KCNIP4: variants seen among roughly 807,000 people sequenced by gnomAD.
KCNIP4 encodes Kv channel-interacting protein 4.
A neutral mutation model predicts 34.0 loss-of-function variants in KCNIP4; 12 were observed. The observed-to-expected ratio is 0.35, with a 90% CI of 0.23 to 0.57. The LOEUF (loss-of-function observed/expected upper bound fraction) is 0.57, where lower values mean the gene tolerates loss of function less well. KCNIP4 is among the 20% of genes least tolerant of loss of function. The pLI, the probability that KCNIP4 is intolerant of heterozygous loss-of-function variation, is 0.83. For missense variants in KCNIP4, 238 were observed against 311.7 expected, an observed-to-expected ratio of 0.76 and a Z score of 1.78; for synonymous variants, 124 against 102.2, an observed-to-expected ratio of 1.21 and a Z score of -1.29.
chr4:21,346,621 T>C (rs1440454201), intron 1 of KCNIP4, among the ~76,000 whole-genome samples: 3 of 152,008 alleles, frequency 2.0e-5, no homozygotes, highest in Non-Finnish European at 4.4e-5. Flanking sequence ...TTTAAGGATC[T>C]TTATGCTTCA....
intron 3 of KCNIP4, among the ~76,000 whole-genome samples, chr4:20,844,372 G>C (rs1406248999): frequency 2.0e-5 from 3 of 152,154 alleles, no homozygotes; most frequent in Non-Finnish European, 2.9e-5. Flanking sequence ...ATAACACTTT[G>C]CTCTTAAGGA....
chr4:21,660,866 G>T (rs1560602535), intron 1 of KCNIP4, among the ~76,000 whole-genome samples: 1 of 152,132 alleles, frequency 6.6e-6, no homozygotes, highest in Non-Finnish European at 1.5e-5. Flanking sequence ...AGGAGGCAGG[G>T]AAATACTGGT....
At chr4:21,552,848 A>T (rs1263066527) in intron 1 of KCNIP4, among the ~76,000 whole-genome samples, 2 of 152,158 alleles carry the variant, frequency 1.3e-5, no homozygotes, top group African/African-American at 4.8e-5. Context: ...TAAAGAAGAC[A>T]AGAAAGCAAA....
At chr4:21,436,948 A>T (rs987276177) in intron 1 of KCNIP4, among the ~76,000 whole-genome samples, 1 of 152,200 alleles carries the variant, frequency 6.6e-6, no homozygotes, top group Non-Finnish European at 1.5e-5. Flanking sequence ...ACAAACCAAC[A>T]AGTCCATATT....
At chr4:20,859,780 G>A (rs1294723565) in intron 2 of KCNIP4, among the ~76,000 whole-genome samples, 7 of 152,124 alleles carry the variant, frequency 4.6e-5, no homozygotes, top group African/African-American at 1.4e-4. Flanking sequence ...ACACTACTAC[G>A]GAACATCTTG....
intron 1 of KCNIP4, among the ~76,000 whole-genome samples, chr4:21,087,146 A>ATGTG (rs34874556): frequency 0.12 from 13,169 of 110,308 alleles, 968 homozygotes; most frequent in African/African-American, 0.14. Context: ...CTGCTGGGTA[A>ATGTG]TGTGTGTGTG....
At chr4:21,489,077 C>G (rs985894324) in intron 1 of KCNIP4, among the ~76,000 whole-genome samples, 12 of 152,020 alleles carry the variant, frequency 7.9e-5, no homozygotes, top group East Asian at 1.9e-4. Flanking sequence ...TCTGAGATAG[C>G]CTTTTAGACA....
At chr4:21,497,778 T>G (rs1732971388) in intron 1 of KCNIP4, among the ~76,000 whole-genome samples, 5 of 152,146 alleles carry the variant, frequency 3.3e-5, no homozygotes. Context: ...TTATATAAAT[T>G]TATTTTAAAT....
intron 1 of KCNIP4, among the ~76,000 whole-genome samples, chr4:21,003,909 C>G (rs1050573718): frequency 2.6e-5 from 4 of 151,846 alleles, no homozygotes; most frequent in African/African-American, 9.7e-5. Flanking sequence ...GTTTGGGGAA[C>G]GATTAGAAAT....
chr4:20,810,043 C>T (rs1715532305), intron 3 of KCNIP4, among the ~76,000 whole-genome samples: 1 of 152,220 alleles, frequency 6.6e-6, no homozygotes, highest in African/African-American at 2.4e-5. Context: ...GCATGACTCA[C>T]TCAGGCCAAG....
chr4:21,781,097 T>G (rs543538345), intron 1 of KCNIP4, among the ~76,000 whole-genome samples: 1 of 152,296 alleles, frequency 6.6e-6, no homozygotes, highest in South Asian at 2.1e-4. Context: ...CACTTGAATC[T>G]CATCTCGAAT....
At chr4:21,821,937 C>T (rs578218198) in intron 1 of KCNIP4, among the ~76,000 whole-genome samples, 4 of 152,236 alleles carry the variant, frequency 2.6e-5, no homozygotes, top group East Asian at 1.9e-4. Context: ...TTTTACAATG[C>T]TTTTCCATAG....
At chr4:21,694,132 C>G (rs1711993565) in intron 1 of KCNIP4, among the ~76,000 whole-genome samples, 1 of 152,182 alleles carries the variant, frequency 6.6e-6, no homozygotes, top group Admixed American at 6.5e-5. Context: ...TCTGCAATAA[C>G]ATTCATCCTT....
intron 1 of KCNIP4, among the ~76,000 whole-genome samples, chr4:21,035,087 A>T (rs1231319994): frequency 6.6e-6 from 1 of 152,166 alleles, no homozygotes; most frequent in South Asian, 2.1e-4. Context: ...TTTAATGGAC[A>T]TGAGTCCAGG....
intron 1 of KCNIP4, among the ~76,000 whole-genome samples, chr4:21,385,854 C>G (rs990036817): frequency 6.6e-6 from 1 of 152,062 alleles, no homozygotes; most frequent in Admixed American, 6.6e-5. Flanking sequence ...ATGAGTGTGT[C>G]CCAAGTGCCA....
At chr4:21,272,213 C>A (rs1577999851) in intron 1 of KCNIP4, among the ~76,000 whole-genome samples, 2 of 152,090 alleles carry the variant, frequency 1.3e-5, no homozygotes, top group East Asian at 3.9e-4. Flanking sequence ...AGGATAATAG[C>A]AGTACCGACC....
At chr4:21,690,611 C>T (rs908329519) in intron 1 of KCNIP4, among the ~76,000 whole-genome samples, 4 of 152,130 alleles carry the variant, frequency 2.6e-5, no homozygotes, top group Non-Finnish European at 5.9e-5. Context: ...CAAGAAGATA[C>T]TGGTGCAATA....
chr4:21,843,710 T>C (rs908327207), intron 1 of KCNIP4: 1 of 152,052 alleles, frequency 6.6e-6, no homozygotes, highest in Non-Finnish European at 1.5e-5. Context: ...AAACCTAGCA[T>C]ATAAACTCAA....
intron 1 of KCNIP4, among the ~76,000 whole-genome samples, chr4:20,986,640 C>T (rs1041019340): frequency 2.0e-5 from 3 of 152,182 alleles, no homozygotes; most frequent in African/African-American, 7.2e-5. Context: ...CTTTGTCTGG[C>T]TTCCAAATTC....
Sources: gnomAD v4.1 joint callset for allele counts (sites outside exome capture counted in the v4.1 genomes callset) on GRCh38, gnomAD v4.1.1 for gene constraint, MANE v1.5 for transcripts, NCBI Gene and HGNC (gene_info 2026-07-23, HGNC 2026-07-21) for gene names.